Variants in HIVEP3 observed in about 807,000 individuals in gnomAD.
HIVEP3 encodes HIVEP zinc finger 3.
Under a neutral mutation model 152.8 loss-of-function variants are expected in HIVEP3, and 49 were observed. That is an observed-to-expected ratio of 0.32 (90% CI 0.26 to 0.41). The LOEUF (loss-of-function observed/expected upper bound fraction) is 0.41, where lower values mean the gene tolerates loss of function less well. HIVEP3 is among the 10% of genes least tolerant of loss of function. HIVEP3 has a pLI of 1.00. For synonymous variants in HIVEP3, 1,269 were observed against 1,289.0 expected (o/e 0.98, Z 0.33); for missense variants, 2,790 against 3,103.3 (o/e 0.90, Z 2.40).
chr1:41,977,100 G>A (rs1490305338), intron 1 of HIVEP3, among the ~76,000 whole-genome samples: 1 of 152,160 alleles, frequency 6.6e-6, no homozygotes, highest in East Asian at 1.9e-4. Flanking sequence ...GCGAAAGGAT[G>A]GACATGAGCT....
chr1:41,776,934 T>C (rs1256630159), intron 1 of HIVEP3, among the ~76,000 whole-genome samples: 6 of 152,152 alleles, frequency 3.9e-5, no homozygotes, highest in Non-Finnish European at 8.8e-5. Context: ...CCATGACAGC[T>C]CTGGGAGGGA....
intron 5 of HIVEP3, among the ~76,000 whole-genome samples, chr1:41,526,985 C>T (rs1642971547): frequency 1.5e-5 from 2 of 135,062 alleles, no homozygotes; most frequent in Non-Finnish European, 3.2e-5. Context: ...CCTTCACACT[C>T]CACACCCCTG....
chr1:41,513,795 C>A, intron 7 of HIVEP3, 45 bp from the exon 8 acceptor site: 7 of 1,449,650 alleles, frequency 4.8e-6, no homozygotes, highest in Non-Finnish European at 6.4e-6. Flanking sequence ...TGGGCCTTGG[C>A]CCCACTGCCC....
intron 1 of HIVEP3, among the ~76,000 whole-genome samples, chr1:41,743,821 C>A (rs542024873): frequency 6.6e-6 from 1 of 152,104 alleles, no homozygotes; most frequent in African/African-American, 2.4e-5. Flanking sequence ...GGCCATCAGG[C>A]ACCTTTGCGT....
intron 1 of HIVEP3, among the ~76,000 whole-genome samples, chr1:41,780,238 G>T (rs369907890): frequency 3.0e-4 from 45 of 150,812 alleles, no homozygotes; most frequent in South Asian, 6.4e-4. Context: ...AGTGAGGGGA[G>T]AGCTGGGCCA....
chr1:41,639,670 C>A (rs1213108856), intron 2 of HIVEP3, among the ~76,000 whole-genome samples: 1 of 152,138 alleles, frequency 6.6e-6, no homozygotes. Context: ...GGTCAGCCTT[C>A]CGGCTCTCAC....
chr1:42,010,958 A>G (rs1185517022), intron 1 of HIVEP3, among the ~76,000 whole-genome samples: 1 of 152,190 alleles, frequency 6.6e-6, no homozygotes, highest in East Asian at 1.9e-4. Flanking sequence ...TCCTGTCTGA[A>G]CAAGGTCTCC....
At chr1:41,711,415 C>T (rs1435129703) in intron 1 of HIVEP3, among the ~76,000 whole-genome samples, 2 of 152,194 alleles carry the variant, frequency 1.3e-5, no homozygotes, top group Non-Finnish European at 2.9e-5. Flanking sequence ...GCACCACCAC[C>T]ACCCAGCAGA....
intron 5 of HIVEP3, among the ~76,000 whole-genome samples, chr1:41,555,014 C>T (rs910747685): frequency 2.0e-5 from 3 of 152,212 alleles, no homozygotes; most frequent in African/African-American, 7.2e-5. Context: ...GGGAGAACCA[C>T]TGCTCTCTTC....
intron 1 of HIVEP3, among the ~76,000 whole-genome samples, chr1:41,783,627 T>C (rs1387725434): frequency 6.6e-6 from 1 of 152,044 alleles, no homozygotes; most frequent in African/African-American, 2.4e-5. Flanking sequence ...ACACACACAC[T>C]CGCATAGATC....
chr1:41,777,918 C>T (rs148203851), intron 1 of HIVEP3, among the ~76,000 whole-genome samples: 15 of 152,326 alleles, frequency 9.8e-5, no homozygotes, highest in African/African-American at 3.6e-4. Context: ...ATCAGATTAC[C>T]GCGTGCTTCA....
intron 1 of HIVEP3, among the ~76,000 whole-genome samples, chr1:41,927,506 CTT>C (rs147203986): frequency 4.9e-4 from 74 of 152,310 alleles, no homozygotes; most frequent in African/African-American, 1.8e-3. Flanking sequence ...GGGTAAAAAA[CTT>C]ATGTGCCTTC....
chr1:41,733,762 G>C (rs1027666618), intron 1 of HIVEP3, among the ~76,000 whole-genome samples: 10 of 152,160 alleles, frequency 6.6e-5, no homozygotes, highest in Non-Finnish European at 1.2e-4. Flanking sequence ...GGAAGGCTCT[G>C]GGACAGGCCT....
rs925896225 is a variant in HIVEP3 at position 41,507,820 on chromosome 1, G to C, written c.*2631C>G. On this transcript the variant is annotated 3_prime_UTR_variant, in exon 9 of 9. Coordinates refer to ENST00000372583, the MANE Select transcript of HIVEP3 (RefSeq NM_024503.5). Reference sequence around the variant, plus strand: ...GAGTCCGGAGGAGGGGGTTAGAGCTGTGCCCAGTGACATATACCCAGGCTG... The same window carrying C: ...GAGTCCGGAGGAGGGGGTTAGAGCTCTGCCCAGTGACATATACCCAGGCTG... 1 of 152,400 alleles carries C rather than the reference G, an allele frequency of 6.6e-6. No homozygotes were observed. The highest frequency in any genetic ancestry group is 2.4e-5 in the African/African-American group (1 of 41,572). 9.4% of individuals were successfully genotyped at this position (152,400 alleles called of 1,614,324 possible).
intron 1 of HIVEP3, among the ~76,000 whole-genome samples, chr1:41,822,189 T>G (rs1051927190): frequency 6.6e-6 from 1 of 152,152 alleles, no homozygotes; most frequent in African/African-American, 2.4e-5. Flanking sequence ...TCATGTGATC[T>G]CTCATCCTCC....
At chr1:41,529,846 C>A (rs1643188805) in intron 5 of HIVEP3, among the ~76,000 whole-genome samples, 1 of 142,792 alleles carries the variant, frequency 7.0e-6, no homozygotes, top group Non-Finnish European at 1.5e-5. Flanking sequence ...TTCACAGTCA[C>A]CCCCACAGTC....
At chr1:41,701,667 G>C (rs2124129358) in intron 1 of HIVEP3, among the ~76,000 whole-genome samples, 1 of 152,344 alleles carries the variant, frequency 6.6e-6, no homozygotes, top group African/African-American at 2.4e-5. Flanking sequence ...GATGGTAACT[G>C]TATACCTATT....
intron 1 of HIVEP3, among the ~76,000 whole-genome samples, chr1:42,024,979 T>G (rs1276166537): frequency 6.6e-6 from 1 of 152,242 alleles, no homozygotes; most frequent in Admixed American, 6.5e-5. Context: ...AAGTCATATG[T>G]CTTTTTGTTG....
intron 1 of HIVEP3, among the ~76,000 whole-genome samples, chr1:41,944,962 G>T (rs1645066805): frequency 6.6e-6 from 1 of 152,130 alleles, no homozygotes; most frequent in African/African-American, 2.4e-5. Flanking sequence ...GTACTGCCTG[G>T]CCACAATATC....
Sources: allele counts gnomAD v4.1 joint callset (sites outside exome capture counted in the v4.1 genomes callset), GRCh38; gene constraint gnomAD v4.1.1; transcripts MANE v1.5; gene names NCBI Gene and HGNC (gene_info 2026-07-23, HGNC 2026-07-21).